Variants in MTMR14 observed in about 807,000 individuals in gnomAD.
The protein encoded by MTMR14 is myotubularin related protein 14.
In MTMR14, 48 loss-of-function variants were observed where a neutral mutation model predicts 86.3. The observed-to-expected ratio is 0.56, with a 90% CI of 0.44 to 0.71. The LOEUF (loss-of-function observed/expected upper bound fraction) is 0.71. MTMR14 is among the 30% of genes least tolerant of loss of function. The pLI, the probability that MTMR14 is intolerant of heterozygous loss-of-function variation, is 0.00. For missense variants in MTMR14, 780 were observed against 834.6 expected (o/e 0.93, Z 0.81); for synonymous variants, 366 against 326.1 (o/e 1.12, Z -1.32).
Position 9,669,499 on chromosome 3 carries a change from G to T in MTMR14, c.554+7G>T, listed in dbSNP as rs574521777. The T allele has an allele frequency of 2.0e-5, 32 of 1,611,846 alleles. No homozygotes were observed. In the South Asian group the frequency reaches 3.2e-4, roughly 16 times the overall value. On this transcript the variant is annotated splice_region_variant and intron_variant, in intron 5 of 18. Transcript: ENST00000296003. ...AGGAGGACTGTGCTCTTCGGTCAGT[G>T]CTGGGTTGCTGTGGTCAGGGGCTTG...
At chr3:9,698,257 C>A (rs978677571) in intron 18 of MTMR14, among the ~76,000 whole-genome samples, 2 of 152,242 alleles carry the variant, frequency 1.3e-5, no homozygotes, top group Non-Finnish European at 2.9e-5. Context: ...TGGGTTAGCC[C>A]GAAGCTTTGC....
Position 9,677,610 on chromosome 3 carries a change from A to T in MTMR14, c.822+223A>T, listed in dbSNP as rs1024687939. On this transcript the variant is annotated intron_variant, in intron 8 of 18. Coordinates refer to ENST00000296003, the MANE Select transcript of MTMR14 (RefSeq NM_001077525.3). This position sits in a 1 kb window ranked among gnomAD's most constrained non-coding sequence, Gnocchi z 4.2. Reference sequence around the variant, plus strand: ...TCCCCCCTTTATTTCTCTTTTGTTTAAGGGAATTTTTCAGAAACAAGATAG... The same window carrying T: ...TCCCCCCTTTATTTCTCTTTTGTTTTAGGGAATTTTTCAGAAACAAGATAG... Among the ~76,000 whole-genome samples, 4 of 151,936 alleles carry T rather than the reference A, an allele frequency of 2.6e-5. No homozygotes were observed. The highest frequency in any genetic ancestry group is 4.4e-5 in the Non-Finnish European group (3 of 67,982).
intron 1 of MTMR14, chr3:9,650,418 A>T: frequency 2.2e-6 from 1 of 455,040 alleles, no homozygotes; most frequent in Non-Finnish European, 4.4e-6. Flanking sequence ...AATCTTGCCG[A>T]CCCTGCCATC....
rs1049225762 is a variant in MTMR14, at chr3:9,701,478, T to C, written c.1770-312T>C. The C allele has an allele frequency of 5.1e-6, 2 of 393,050 alleles. No individual in the cohort carries two copies. The highest frequency in any genetic ancestry group is 9.4e-6 in the Non-Finnish European group (2 of 212,150). The allele number at this position is 393,050 out of a possible 1,614,324, so 24.3% of individuals were successfully genotyped here. On this transcript the variant is annotated intron_variant, in intron 18 of 18. Transcript: ENST00000296003. This position sits in a 1 kb window ranked among gnomAD's most constrained non-coding sequence, Gnocchi z 4.2. ...TTGAGGCTACAGTGAGCGCTGATTG[T>C]GTCACTGCATTCCAGCCTGGGCAAT...
At chr3:9,650,703 G>A (rs541698277) in intron 1 of MTMR14, among the ~76,000 whole-genome samples, 1 of 151,968 alleles carries the variant, frequency 6.6e-6, no homozygotes, top group African/African-American at 2.4e-5. Context: ...GTGCTTATGG[G>A]ATACTTTGTG....
At chr3:9,672,380 C>T (rs2048613280) in intron 6 of MTMR14, among the ~76,000 whole-genome samples, 1 of 152,122 alleles carries the variant, frequency 6.6e-6, no homozygotes, top group African/African-American at 2.4e-5. Context: ...GCTGGGATTA[C>T]AGGAGCGCGC....
chr3:9,688,793 C>T, intron 15 of MTMR14, 39 bp downstream of exon 15: 1 of 1,612,564 alleles, frequency 6.2e-7, no homozygotes, highest in Non-Finnish European at 8.5e-7. Context: ...TTCCTCCATA[C>T]ATCTTCCCGT....
chr3:9,678,216 G>T (rs2075647390), intron 9 of MTMR14, among the ~76,000 whole-genome samples, 158 bp downstream of exon 9: 1 of 152,174 alleles, frequency 6.6e-6, no homozygotes, highest in Non-Finnish European at 1.5e-5. Context: ...AGGAGGAATT[G>T]TGTGTCCGTT....
chr3:9,688,852 T>G lies in MTMR14; in HGVS notation c.1295-92T>G, dbSNP rs924684433. ...TGTGCTAAGAGGTTTTTTGTTTTTT[T>G]TTTTTTCTTCCCAGTTATGTGGTAT... On this transcript the variant is annotated intron_variant, in intron 15 of 18. Transcript: ENST00000296003. 17 of 1,611,240 alleles carry G rather than the reference T, an allele frequency of 1.1e-5. No homozygotes were observed. The African/African-American group carries it at 1.1e-4, about 10-fold the overall frequency.
intron 2 of MTMR14, 148 bp downstream of exon 2, chr3:9,653,917 A>G: frequency 9.0e-7 from 1 of 1,106,096 alleles, no homozygotes; most frequent in Non-Finnish European, 1.4e-6. Context: ...AAGGTTGGAC[A>G]AGTCAGACTG....
chr3:9,675,998 T>C (rs944064837), intron 7 of MTMR14, among the ~76,000 whole-genome samples: 4 of 152,144 alleles, frequency 2.6e-5, no homozygotes, highest in African/African-American at 9.7e-5. Flanking sequence ...GCAGGGTGTG[T>C]ATGGAATGAA....
At position 9,702,064 on chromosome 3, in the gene MTMR14, G is replaced by C. The variant is rs1001334105; in HGVS notation, c.*91G>C. ...ATGCCTGGCCGAAGGGGTACTTCCAGGTCAGGGGAAATTTCAGTCCCCCAT... is the reference window on the plus strand; with the variant it reads ...ATGCCTGGCCGAAGGGGTACTTCCACGTCAGGGGAAATTTCAGTCCCCCAT... On this transcript the variant is annotated 3_prime_UTR_variant, in exon 19 of 19. Transcript: ENST00000296003. 4.3e-5 allele frequency: 67 copies of C among 1,543,422 alleles called. No individual in the cohort carries two copies. The highest frequency in any genetic ancestry group is 5.7e-5 in the Non-Finnish European group (64 of 1,124,494).
chr3:9,651,705 A>C (rs2047306354), intron 1 of MTMR14, among the ~76,000 whole-genome samples: 1 of 151,600 alleles, frequency 6.6e-6, no homozygotes, highest in East Asian at 1.9e-4. Flanking sequence ...TCCCTCTGTC[A>C]CCCAGGCTGG....
chr3:9,701,507 G>A lies in MTMR14; in HGVS notation c.1770-283G>A. ...ACTGCATTCCAGCCTGGGCAATAGA[G>A]TGAGACCTTGTCTCAAGAAAAAAAA... On this transcript the variant is annotated intron_variant, in intron 18 of 18. Transcript: ENST00000296003. This position sits in a 1 kb window ranked among gnomAD's most constrained non-coding sequence, Gnocchi z 4.2. 4.2e-6 allele frequency: 2 copies of A among 471,444 alleles called. No homozygotes were observed. Among genetic ancestry groups the A allele is most frequent in the Non-Finnish European group, 7.8e-6 (2 of 257,550 alleles). 29.2% of individuals were successfully genotyped at this position (471,444 alleles called of 1,614,324 possible).
intron 5 of MTMR14, among the ~76,000 whole-genome samples, chr3:9,669,959 C>T (rs1043207971): frequency 1.1e-4 from 16 of 152,192 alleles, no homozygotes; most frequent in African/African-American, 3.9e-4. Flanking sequence ...CCAGATGTGT[C>T]ACAGCTGCAT....
Position 9,669,477 on chromosome 3 carries a change from A to T in MTMR14, c.539A>T (p.Glu180Val). Residue 180 changes from glutamate (E) to valine (V), a missense_variant, in exon 5 of 19, where the codon GAG (glutamate) becomes GTG (valine). By Grantham distance (121) the Glu-to-Val change is moderately radical. Transcript: ENST00000296003. ...AWADVEDVTE[E>V]DCALRSGDTH... ...GCAGATGTGGAGGACGTCACGGAGG[A>T]GGACTGTGCTCTTCGGTCAGTGCTG... 1 of 1,613,528 alleles carries T rather than the reference A, an allele frequency of 6.2e-7. No individual in the cohort carries two copies. The highest frequency in any genetic ancestry group is 8.5e-7 in the Non-Finnish European group (1 of 1,179,640).
chr3:9,693,940 T>C (rs1336894456), intron 17 of MTMR14, among the ~76,000 whole-genome samples: 1 of 152,214 alleles, frequency 6.6e-6, no homozygotes, highest in East Asian at 1.9e-4. Flanking sequence ...TATTTCCCCG[T>C]AGTTTGTTCC....
Position 9,677,413 on chromosome 3 carries a change from TG to T in MTMR14, c.822+28del. ...GTATGAGCAATAACATACATCAAAT[TG>T]GATCTATGTCTCTTTGTAAAGGGAG... On this transcript the variant is annotated intron_variant, in intron 8 of 18. Coordinates refer to ENST00000296003, the MANE Select transcript of MTMR14 (RefSeq NM_001077525.3). This position sits in a 1 kb window ranked among gnomAD's most constrained non-coding sequence, Gnocchi z 4.2. 6.3e-7 allele frequency: 1 copy of T among 1,598,228 alleles called. No homozygotes were observed. The highest frequency in any genetic ancestry group is 2.2e-5 in the East Asian group (1 of 44,800).
At chr3:9,650,627 G>A (rs2047225785) in intron 1 of MTMR14, 1 of 261,118 alleles carries the variant, frequency 3.8e-6, no homozygotes, top group Non-Finnish European at 8.0e-6. Context: ...AAATGGCCAA[G>A]TAATTTTTCC....
Sources: gnomAD v4.1 joint callset for allele counts (sites outside exome capture counted in the v4.1 genomes callset) on GRCh38, gnomAD v4.1.1 for gene constraint, Gnocchi (gnomAD v3.1) non-coding constraint, MANE v1.5 for transcripts, NCBI Gene and HGNC (gene_info 2026-07-23, HGNC 2026-07-21) for gene names.